MLKL: variants seen among roughly 807,000 people sequenced by gnomAD.
The protein encoded by MLKL is mixed lineage kinase domain like pseudokinase, also known as mixed lineage kinase domain-like protein.
In MLKL, 55 loss-of-function variants were observed where a neutral mutation model predicts 56.5. That is an observed-to-expected ratio of 0.97 (90% CI 0.78 to 1.22). MLKL has a LOEUF of 1.22. MLKL is among the 50% of genes most tolerant of loss of function. MLKL has a pLI of 0.00. For missense variants in MLKL, 694 were observed against 573.9 expected (o/e 1.21, Z -2.14); for synonymous variants, 251 against 208.3 (o/e 1.20, Z -1.76).
chr16:74,693,580 T>A (rs1960823066), intron 2 of MLKL, among the ~76,000 whole-genome samples: 2 of 151,088 alleles, frequency 1.3e-5, no homozygotes, highest in African/African-American at 4.8e-5. Flanking sequence ...TGAACTGGCA[T>A]CTAAAAATGG....
At chr16:74,685,745 C>T (rs971635524) in intron 4 of MLKL, among the ~76,000 whole-genome samples, 162 bp from the exon 5 acceptor site, 3 of 152,160 alleles carry the variant, frequency 2.0e-5, no homozygotes, top group African/African-American at 7.2e-5. Context: ...CATGTGGAAC[C>T]CCTCAGGTGC....
At chr16:74,675,275 CA>C (rs1959516679) in intron 9 of MLKL, 79 bp downstream of exon 9, 1 of 1,599,870 alleles carries the variant, frequency 6.3e-7, no homozygotes, top group Non-Finnish European at 8.6e-7. Context: ...TTGCCAGGGG[CA>C]GCACTGATGG....
rs758929952 is a variant in MLKL, at chr16:74,675,766, T to C, written c.1039-2A>G. On this transcript the variant is annotated splice_acceptor_variant, in intron 7 of 10. Transcript: ENST00000308807. LOFTEE classifies it high-confidence loss of function. ...TTTCCTCAACTCAAATCCTGCAAGC[T>C]AGATAGAGAGGCAACTTAGAAAGAA... The C allele has an allele frequency of 1.2e-5, 19 of 1,613,334 alleles. No homozygotes were observed. The highest frequency in any genetic ancestry group is 4.0e-5 in the African/African-American group (3 of 74,866).
intron 10 of MLKL, among the ~76,000 whole-genome samples, chr16:74,672,775 C>T (rs984146820): frequency 6.6e-6 from 1 of 152,180 alleles, no homozygotes; most frequent in Non-Finnish European, 1.5e-5. Flanking sequence ...GTATGAATTA[C>T]TCTCTGGTGT....
At chr16:74,679,500 G>A (rs1464534166) in intron 6 of MLKL, among the ~76,000 whole-genome samples, 1 of 152,152 alleles carries the variant, frequency 6.6e-6, no homozygotes, top group East Asian at 1.9e-4. Context: ...GGGCACGAGG[G>A]ATTTGTATCA....
At position 74,695,316 on chromosome 16, in the gene MLKL, A is replaced by G; in HGVS notation, c.442T>C (p.Phe148Leu). 6.2e-7 allele frequency: 1 copy of G among 1,613,704 alleles called. No individual in the cohort carries two copies. Among genetic ancestry groups the G allele is most frequent in the Non-Finnish European group, 8.5e-7 (1 of 1,179,818 alleles). ...QQDADEDRRA[F>L]QMLRRDNEKI... Reference sequence around the variant, plus strand: ...AGCTTGCCTCTTCTTAGCATCTGGAAAGCTCGCCTGTCTTCGTCTGCATCC... The same window carrying G: ...AGCTTGCCTCTTCTTAGCATCTGGAGAGCTCGCCTGTCTTCGTCTGCATCC... The change falls in exon 2 of 11, where the codon TTC becomes CTC. Residue 148 changes from phenylalanine (F) to leucine (L), a missense_variant. Phe to Leu is a conservative substitution (Grantham distance 22). Coordinates refer to ENST00000308807, the MANE Select transcript of MLKL (RefSeq NM_152649.4).
chr16:74,689,100 C>T (rs543137866), intron 4 of MLKL, among the ~76,000 whole-genome samples: 182 of 151,378 alleles, frequency 1.2e-3, no homozygotes, highest in Middle Eastern at 3.4e-3. Flanking sequence ...TCCTTCCTTC[C>T]TTCCTTTTTT....
chr16:74,674,537 A>G (rs1229864302), intron 10 of MLKL, among the ~76,000 whole-genome samples: 2 of 147,692 alleles, frequency 1.4e-5, no homozygotes, highest in Non-Finnish European at 3.0e-5. Flanking sequence ...GGCTCACTGC[A>G]ACCTCCCAGT....
chr16:74,687,164 C>T (rs948038291), intron 4 of MLKL, among the ~76,000 whole-genome samples: 4 of 151,848 alleles, frequency 2.6e-5, no homozygotes, highest in African/African-American at 4.8e-5. Flanking sequence ...ATAGTAGAGG[C>T]GGGGTTTCAC....
Position 74,692,340 on chromosome 16 carries a change from A to C in MLKL, c.535+2T>G. 1 of 1,613,124 alleles carries C rather than the reference A, an allele frequency of 6.2e-7. No homozygotes were observed. Among genetic ancestry groups the C allele is most frequent in the Non-Finnish European group, 8.5e-7 (1 of 1,179,528 alleles). ...GAAACAGCAGGGCACATGATAACTTACACTGCCTCAAAGTTTCCTTGATTT... is the reference window on the plus strand; with the variant it reads ...GAAACAGCAGGGCACATGATAACTTCCACTGCCTCAAAGTTTCCTTGATTT... On this transcript the variant is annotated splice_donor_variant, in intron 3 of 10. Coordinates refer to ENST00000308807, the MANE Select transcript of MLKL (RefSeq NM_152649.4). LOFTEE classifies it high-confidence loss of function.
At chr16:74,688,643 G>A (rs1447064283) in intron 4 of MLKL, among the ~76,000 whole-genome samples, 6 of 152,122 alleles carry the variant, frequency 3.9e-5, no homozygotes, top group African/African-American at 1.4e-4. Flanking sequence ...GAACCTAGGA[G>A]ATGGAGGTTG....
rs367623802 is a variant in MLKL at position 74,692,374 on chromosome 16, T to G, written c.503A>C (p.Asn168Thr). Residue 168 changes from asparagine to threonine, a missense_variant, in exon 3 of 11, where the codon AAC becomes ACC. Asn to Thr is a moderately conservative substitution (Grantham distance 65, BLOSUM62 0). Transcript: ENST00000308807. ...IEASLRRLEI[N>T]MKEIKETLRQ... The stretch of plus-strand genomic sequence containing the variant: ...CAAAGTTTCCTTGATTTCTTTCATG[T>G]TGATTTCTAATCGTCTCAGTGAAGC... The G allele has an allele frequency of 6.8e-6, 11 of 1,613,904 alleles. No homozygotes were observed. Among genetic ancestry groups the G allele is most frequent in the South Asian group, 1.1e-5 (1 of 90,998 alleles).
intron 5 of MLKL, among the ~76,000 whole-genome samples, chr16:74,683,625 T>C (rs1567607710): frequency 6.6e-6 from 1 of 152,084 alleles, no homozygotes; most frequent in East Asian, 1.9e-4. Flanking sequence ...TTTTTCTTTT[T>C]CTTTTTTAAC....
chr16:74,693,887 G>T (rs1960849595), intron 2 of MLKL, among the ~76,000 whole-genome samples: 1 of 152,168 alleles, frequency 6.6e-6, no homozygotes, highest in African/African-American at 2.4e-5. Flanking sequence ...ACAGGCGTGA[G>T]CCACCCCGCC....
At chr16:74,694,363 C>G (rs1960890378) in intron 2 of MLKL, among the ~76,000 whole-genome samples, 1 of 152,192 alleles carries the variant, frequency 6.6e-6, no homozygotes, top group Non-Finnish European at 1.5e-5. Context: ...GAAACAGGGG[C>G]CCCTGAGGTC....
chr16:74,692,509 A>AT (rs58129474), intron 2 of MLKL, 93 bp from the exon 3 acceptor site: 2 of 966,972 alleles, frequency 2.1e-6, no homozygotes, highest in Non-Finnish European at 1.6e-6. Flanking sequence ...TTGAGATATC[A>AT]TTTTTTACCT....
At chr16:74,700,036 G>A (rs1336518498) in intron 1 of MLKL, among the ~76,000 whole-genome samples, 2 of 151,748 alleles carry the variant, frequency 1.3e-5, no homozygotes, top group African/African-American at 2.4e-5. Flanking sequence ...ATCTTTAAAT[G>A]GTAATAACAA....
At chr16:74,697,990 G>A (rs952650135) in intron 1 of MLKL, among the ~76,000 whole-genome samples, 2 of 152,218 alleles carry the variant, frequency 1.3e-5, no homozygotes, top group Non-Finnish European at 2.9e-5. Flanking sequence ...GGGATCGTAT[G>A]AGCCTGAGTT....
rs565597874 is a variant in MLKL at position 74,688,092 on chromosome 16, A to G, written c.723-2509T>C. On this transcript the variant is annotated intron_variant, in intron 4 of 10. Coordinates refer to ENST00000308807, the MANE Select transcript of MLKL (RefSeq NM_152649.4). ...GCCCGCCCTGGCCTCCCAAAGTGCTAGGATTACAGTCGTGAGCCACTGCGC... is the reference window on the plus strand; with the variant it reads ...GCCCGCCCTGGCCTCCCAAAGTGCTGGGATTACAGTCGTGAGCCACTGCGC... Among the ~76,000 whole-genome samples, 72 of 152,122 alleles carry G rather than the reference A, an allele frequency of 4.7e-4. No individual in the cohort carries two copies. In the Middle Eastern group the frequency reaches 0.014, roughly 29 times the overall value.
Sources: allele counts gnomAD v4.1 joint callset (sites outside exome capture counted in the v4.1 genomes callset), GRCh38; gene constraint gnomAD v4.1.1; transcripts MANE v1.5; gene names NCBI Gene and HGNC (gene_info 2026-07-23, HGNC 2026-07-21).